Variants in FAM98C observed in about 807,000 individuals in gnomAD.
FAM98C encodes protein FAM98C.
Under a neutral mutation model 41.1 loss-of-function variants are expected in FAM98C, and 38 were observed. That is an observed-to-expected ratio of 0.92 (90% CI 0.71 to 1.21). FAM98C has a LOEUF of 1.21. FAM98C is among the 50% of genes most tolerant of loss of function. The pLI is 0.00. For missense variants in FAM98C, 493 were observed against 484.7 expected, an observed-to-expected ratio of 1.02 and a Z score of -0.16; for synonymous variants, 195 against 216.7, an observed-to-expected ratio of 0.90 and a Z score of 0.88.
Position 38,403,429 on chromosome 19 carries a change from CTGGGCG to C in FAM98C, c.158_163del (p.Leu53_Ala55delinsPro). On this transcript the variant is annotated inframe_deletion, in exon 2 of 8. Transcript: ENST00000252530. The stretch of plus-strand genomic sequence containing the variant: ...GCGGCTGGCGGCGGAGCTGGCGACG[CTGGGCG>C]CCCTCGAGCAGCAGCGAGAGGCGGG... 1.4e-6 allele frequency: 2 copies of C among 1,424,424 alleles called. No homozygotes were observed. The highest frequency in any genetic ancestry group is 1.8e-6 in the Non-Finnish European group (2 of 1,100,612). The allele number at this position is 1,424,424 out of a possible 1,614,324, so 88.2% of individuals were successfully genotyped here.
At position 38,406,927 on chromosome 19, in the gene FAM98C, G is replaced by T; in HGVS notation, c.768G>T (p.Met256Ile). 6.2e-7 allele frequency: 1 copy of T among 1,614,164 alleles called. No individual in the cohort carries two copies. The highest frequency in any genetic ancestry group is 8.5e-7 in the Non-Finnish European group (1 of 1,180,008). The change falls in exon 7 of 8, where the codon ATG (methionine) becomes ATT (isoleucine). Residue 256 changes from methionine (M) to isoleucine (I), a missense_variant. Transcript: ENST00000252530. ...SDRAEAQGEA[M>I]RAVLIPIREV... ...CACTCCAGGCCCAAGGAGAGGCCAT[G>T]AGGGCAGTGCTGATCCCAATTCGAG...
chr19:38,405,860 T>G, intron 6 of FAM98C: 15 of 150,088 alleles, frequency 1.0e-4, no homozygotes, highest in South Asian at 5.7e-4. Context: ...TACCCCATCA[T>G]TTTTTTTTTT....
intron 7 of FAM98C, chr19:38,407,590 T>G (rs1332045287): frequency 6.4e-6 from 1 of 155,842 alleles, no homozygotes; most frequent in Non-Finnish European, 1.4e-5. Context: ...AGGCTGGTCT[T>G]GAACTCCTGA....
At chr19:38,406,689 G>T (rs753220687) in intron 6 of FAM98C, 7 of 503,606 alleles carry the variant, frequency 1.4e-5, no homozygotes, top group Admixed American at 3.2e-5. Context: ...GGAGGCTAAG[G>T]TAGGAGGATC....
chr19:38,407,001 C>CCCGAG lies in FAM98C; in HGVS notation c.847_851dup (p.Asp284GlufsTer84). On this transcript the variant is annotated frameshift_variant, in exon 7 of 8. Coordinates refer to ENST00000252530, the MANE Select transcript of FAM98C (RefSeq NM_174905.4). LOFTEE classifies it high-confidence loss of function. ...ATCTCCATTGCACACGTTCTGGCTG[C>CCCGAG]CCGAGCCGACCTGTCTTGTCTCGTC... 6.2e-7 allele frequency: 1 copy of CCCGAG among 1,614,206 alleles called. No individual in the cohort carries two copies. Among genetic ancestry groups the CCCGAG allele is most frequent in the Middle Eastern group, 1.6e-4 (1 of 6,062 alleles).
At chr19:38,403,276 C>G (rs778336998) in intron 1 of FAM98C, 58 bp downstream of exon 1, 2 of 1,525,452 alleles carry the variant, frequency 1.3e-6, no homozygotes, top group South Asian at 2.4e-5. Flanking sequence ...GCCCCCTGGA[C>G]GCGGACGAAA....
chr19:38,407,668 T>G (rs912348801), intron 7 of FAM98C: 1 of 146,116 alleles, frequency 6.8e-6, no homozygotes. Context: ...CGCACCCTTT[T>G]AACCATTTAA....
At chr19:38,406,792 ATATT>A (rs1971045734) in intron 6 of FAM98C, 114 bp from the exon 7 acceptor site, 1 of 1,105,026 alleles carries the variant, frequency 9.0e-7, no homozygotes, top group Non-Finnish European at 1.3e-6. Context: ...CAAAAAATAA[ATATT>A]TATTTGAGCT....
intron 6 of FAM98C, chr19:38,406,707 C>T: frequency 1.8e-6 from 1 of 545,954 alleles, no homozygotes; most frequent in Admixed American, 3.0e-5. Context: ...ATCACTTGAG[C>T]CCAGGAGATT....
Position 38,403,344 on chromosome 19 carries a change from A to AGGTGTCCCGGGGGC in FAM98C, c.75_88dup (p.Ala30ValfsTer43), listed in dbSNP as rs1235807371. ...GCTGCCTCGGTCCCCACAGGTATGG[A>AGGTGTCCCGGGGGC]GGTGTCCCGGGGGCGGCGTCGCGGG... On this transcript the variant is annotated frameshift_variant, in exon 2 of 8. Coordinates refer to ENST00000252530, the MANE Select transcript of FAM98C (RefSeq NM_174905.4). LOFTEE classifies it high-confidence loss of function. 1 of 1,479,590 alleles carries AGGTGTCCCGGGGGC rather than the reference A, an allele frequency of 6.8e-7. No individual in the cohort carries two copies. The highest frequency in any genetic ancestry group is 1.5e-5 in the African/African-American group (1 of 67,638). 91.7% of individuals were successfully genotyped at this position (1,479,590 alleles called of 1,614,324 possible). A position where few individuals can be genotyped will look rare whatever the true frequency, so the allele number is the denominator to read the frequency against.
chr19:38,407,376 C>CT (rs112643516), intron 7 of FAM98C: 5,440 of 266,944 alleles, frequency 0.02, no homozygotes, highest in South Asian at 0.04. Context: ...GTTTTTTAAC[C>CT]TTTTTTTTTT....
At position 38,403,327 on chromosome 19, in the gene FAM98C, G is replaced by A; in HGVS notation, c.66-11G>A. Reference sequence around the variant, plus strand: ...CATCCCCGCCCCCTCCCGCTGCCTCGGTCCCCACAGGTATGGAGGTGTCCC... The same window carrying A: ...CATCCCCGCCCCCTCCCGCTGCCTCAGTCCCCACAGGTATGGAGGTGTCCC... On this transcript the variant is annotated splice_polypyrimidine_tract_variant and intron_variant, in intron 1 of 7. Transcript: ENST00000252530. 6.7e-7 allele frequency: 1 copy of A among 1,494,398 alleles called. No homozygotes were observed. Among genetic ancestry groups the A allele is most frequent in the South Asian group, 1.3e-5 (1 of 78,086 alleles). The allele number at this position is 1,494,398 out of a possible 1,614,324, so 92.6% of individuals were successfully genotyped here.
Position 38,405,033 on chromosome 19 carries a change from C to T in FAM98C, c.475C>T (p.Leu159Phe). The T allele has an allele frequency of 6.2e-7, 1 of 1,614,168 alleles. No homozygotes were observed. Among genetic ancestry groups the T allele is most frequent in the Middle Eastern group, 1.7e-4 (1 of 6,048 alleles). Residue 159 changes from leucine to phenylalanine, a missense_variant, in exon 4 of 8, where the codon CTT becomes TTT. Leu to Phe is a conservative substitution (Grantham distance 22). Transcript: ENST00000252530. ...EGAGMVQELD[L>F]TLQALGLPRP... is the part of the protein sequence containing the mutation. ...AGCCGGCATGGTCCAAGAACTGGACCTTACCCTCCAAGCCCTGGGGCTGCC... is the reference window on the plus strand; with the variant it reads ...AGCCGGCATGGTCCAAGAACTGGACTTTACCCTCCAAGCCCTGGGGCTGCC...
In FAM98C at chr19:38,403,224, A is replaced by G. The variant is rs1307400771; in HGVS notation, c.65+6A>G. On this transcript the variant is annotated splice_donor_region_variant and intron_variant, in intron 1 of 7. Transcript: ENST00000252530. ...CAGGACCTGCTGGCTCTGGGGTAAAAGGGTGTGCGGTGAGGCTGGTGGGTG... is the reference window on the plus strand; with the variant it reads ...CAGGACCTGCTGGCTCTGGGGTAAAGGGGTGTGCGGTGAGGCTGGTGGGTG... 1.3e-6 allele frequency: 2 copies of G among 1,558,660 alleles called. No homozygotes were observed. The highest frequency in any genetic ancestry group is 1.9e-5 in the Admixed American group (1 of 51,868).
At position 38,405,863 on chromosome 19, in the gene FAM98C, T is replaced by C. The variant is rs985464313; in HGVS notation, c.750+228T>C. On this transcript the variant is annotated intron_variant, in intron 6 of 7. Transcript: ENST00000252530. ...TATTCAGAGGCATACCCCATCATTT[T>C]TTTTTTTTTTTTGAGACGGGGTCTC... 11 of 470,018 alleles carry C rather than the reference T, an allele frequency of 2.3e-5. No individual in the cohort carries two copies. In the Admixed American group the frequency reaches 3.6e-4, roughly 15 times the overall value. 29.1% of individuals were successfully genotyped at this position (470,018 alleles called of 1,614,324 possible).
Position 38,403,401 on chromosome 19 carries a change from C to T in FAM98C, c.129C>T (p.Cys43=). 2.1e-6 allele frequency: 3 copies of T among 1,448,732 alleles called. No individual in the cohort carries two copies. Among genetic ancestry groups the T allele is most frequent in the Non-Finnish European group, 1.8e-6 (2 of 1,112,808 alleles). The allele number at this position is 1,448,732 out of a possible 1,614,324, so 89.7% of individuals were successfully genotyped here. ...CATGCCCAGACTTCAGGGGGCTGTG[C>T]GTGCGGCTGGCGGCGGAGCTGGCGA... is the stretch of plus-strand genomic sequence containing the variant. ...GASCPDFRGL[C]VRLAAELATL... Residue 43 remains cysteine (C), a synonymous_variant, in exon 2 of 8, where the codon TGC becomes TGT. Coordinates refer to ENST00000252530, the MANE Select transcript of FAM98C (RefSeq NM_174905.4).
At position 38,405,435 on chromosome 19, in the gene FAM98C, C is replaced by G; in HGVS notation, c.633+14C>G. On this transcript the variant is annotated intron_variant, in intron 5 of 7. Transcript: ENST00000252530. ...GCACCCAGATGGGTAAGACTGTGTG[C>G]GACTGACTGAATGTGAACTGTGTCC... 1.9e-6 allele frequency: 3 copies of G among 1,614,004 alleles called. No individual in the cohort carries two copies. The highest frequency in any genetic ancestry group is 2.5e-6 in the Non-Finnish European group (3 of 1,179,926).
chr19:38,403,786 G>T, intron 3 of FAM98C, 92 bp downstream of exon 3: 1 of 1,330,732 alleles, frequency 7.5e-7, no homozygotes, highest in South Asian at 2.0e-5. Flanking sequence ...CAAGGGGTGT[G>T]GTCAGAACTT....
chr19:38,407,705 C>G (rs535703618), intron 7 of FAM98C: 1 of 151,926 alleles, frequency 6.6e-6, no homozygotes, highest in Non-Finnish European at 1.5e-5. Flanking sequence ...CAGAAATAGG[C>G]CAGGCACAGT....
Sources: gnomAD v4.1 joint callset for allele counts on GRCh38, gnomAD v4.1.1 for gene constraint, MANE v1.5 for transcripts, NCBI Gene and HGNC (gene_info 2026-07-23, HGNC 2026-07-21) for gene names.